Variants in LRRC9 observed in about 807,000 individuals in gnomAD.
The protein encoded by LRRC9 is leucine rich repeat containing 9.
In LRRC9, 122 loss-of-function variants were observed where a neutral mutation model predicts 63.2. That is an observed-to-expected ratio of 1.93 (90% confidence interval 1.67 to 2.24). The LOEUF (loss-of-function observed/expected upper bound fraction) is 2.24, where lower values mean the gene tolerates loss of function less well. Among genes scored for constraint, LRRC9 ranks in the 30% most tolerant of loss-of-function variants. LRRC9 has a pLI of 0.00. For synonymous variants in LRRC9, 366 were observed against 213.1 expected (o/e 1.72, Z -6.25); for missense variants, 1,071 against 627.7 (o/e 1.71, Z -7.55).
Position 60,027,197 on chromosome 14 carries a change from A to AG in LRRC9, c.3704-686dup, listed in dbSNP as rs1891625783. On this transcript the variant is annotated intron_variant, in intron 27 of 31. Transcript: ENST00000445360. This position sits in a 1 kb window ranked among gnomAD's most constrained non-coding sequence, Gnocchi z 4.0. ...TTCTCTGACCCTCAATTTTCTGATT[A>AG]GAAAAAAGAGATAAAATATTTCCCC... is the stretch of plus-strand genomic sequence containing the variant. Among the ~76,000 whole-genome samples, 1 of 152,070 alleles carries AG rather than the reference A, an allele frequency of 6.6e-6. No homozygotes were observed. The highest frequency in any genetic ancestry group is 6.6e-5 in the Admixed American group (1 of 15,232).
intron 17 of LRRC9, 59 bp from the exon 18 acceptor site, chr14:59,997,597 T>C: frequency 1.6e-6 from 1 of 620,756 alleles, no homozygotes; most frequent in South Asian, 1.9e-5. Context: ...ACAGAGAAAC[T>C]ATTTTGTAAA....
At chr14:59,973,842 T>G (rs1303892527) in intron 12 of LRRC9, among the ~76,000 whole-genome samples, 1 of 152,060 alleles carries the variant, frequency 6.6e-6, no homozygotes, top group African/African-American at 2.4e-5. Flanking sequence ...AAGACATAAT[T>G]CTAAATAATT....
chr14:59,994,834 G>A (rs1181916182), intron 17 of LRRC9, among the ~76,000 whole-genome samples: 4 of 151,816 alleles, frequency 2.6e-5, no homozygotes, highest in East Asian at 3.9e-4. Flanking sequence ...ACACAGGAAG[G>A]GGAACATCAC....
In LRRC9 at chr14:59,942,172, C is replaced by T. The variant is rs1881841190; in HGVS notation, c.727-2417C>T. Reference sequence around the variant, plus strand: ...TCTTTTTTATGGTTAAATAGTATTCCATCATGTGTATACACATATGTGTGT... The same window carrying T: ...TCTTTTTTATGGTTAAATAGTATTCTATCATGTGTATACACATATGTGTGT... On this transcript the variant is annotated intron_variant, in intron 7 of 31. Transcript: ENST00000445360. The surrounding 1 kb of genome is among the most constrained non-coding windows in gnomAD (Gnocchi z 5.3). Among the ~76,000 whole-genome samples the T allele has an allele frequency of 6.6e-6, 1 of 152,056 alleles. No individual in the cohort carries two copies. Among genetic ancestry groups the T allele is most frequent in the African/African-American group, 2.4e-5 (1 of 41,400 alleles).
intron 29 of LRRC9, among the ~76,000 whole-genome samples, chr14:60,052,820 T>TC (rs1893991360): frequency 6.6e-6 from 1 of 152,212 alleles, no homozygotes; most frequent in South Asian, 2.1e-4. Context: ...TGCCTGTAGT[T>TC]AGTGAACAAT....
intron 31 of LRRC9, among the ~76,000 whole-genome samples, chr14:60,061,283 A>C (rs1322691576): frequency 1.3e-5 from 2 of 152,188 alleles, no homozygotes; most frequent in African/African-American, 4.8e-5. Flanking sequence ...AGCAAACTCC[A>C]TTGTTGTCTT....
intron 27 of LRRC9, 96 bp downstream of exon 27, chr14:60,022,966 A>G (rs980589674): frequency 1.7e-5 from 7 of 420,380 alleles, no homozygotes; most frequent in African/African-American, 1.4e-4. Context: ...ATCAGTATTT[A>G]CTCAAACATT....
At chr14:60,048,254 C>G (rs182421060) in intron 29 of LRRC9, among the ~76,000 whole-genome samples, 2 of 151,986 alleles carry the variant, frequency 1.3e-5, no homozygotes, top group Admixed American at 1.3e-4. Context: ...CAAACAGACA[C>G]CAAAGCTAGC....
At position 60,042,503 on chromosome 14, in the gene LRRC9, T is replaced by A. The variant is rs1295116894; in HGVS notation, c.3990+10440T>A. ...GCCTTGCAGTTCGATCTCAGACTGCTGTGCTGGCAGTGAGTGAGGCTCCGT... is the reference window on the plus strand; with the variant it reads ...GCCTTGCAGTTCGATCTCAGACTGCAGTGCTGGCAGTGAGTGAGGCTCCGT... On this transcript the variant is annotated intron_variant, in intron 29 of 31. Transcript: ENST00000445360. This position sits in a 1 kb window ranked among gnomAD's most constrained non-coding sequence, Gnocchi z 4.2. 6.6e-6 allele frequency among the ~76,000 whole-genome samples: 1 copy of A among 152,210 alleles called. No homozygotes were observed.
chr14:59,929,897 G>T (rs536009998), intron 3 of LRRC9, among the ~76,000 whole-genome samples: 1 of 151,986 alleles, frequency 6.6e-6, no homozygotes, highest in Non-Finnish European at 1.5e-5. Flanking sequence ...ACACATAGAG[G>T]GGAACGACAG....
At chr14:60,026,355 G>C (rs1054086875) in intron 27 of LRRC9, among the ~76,000 whole-genome samples, 29 of 152,030 alleles carry the variant, frequency 1.9e-4, no homozygotes, top group Admixed American at 4.6e-4. Context: ...CTTATGATTA[G>C]TAATGCTGAG....
intron 29 of LRRC9, among the ~76,000 whole-genome samples, chr14:60,034,632 C>T (rs1339589766): frequency 1.3e-5 from 2 of 152,128 alleles, no homozygotes; most frequent in Non-Finnish European, 2.9e-5. Context: ...TTTTACTTAA[C>T]ATAATGGTTT....
rs1393681849 is a variant in LRRC9, at chr14:59,975,111, ATG to A, written c.1639+405_1639+406del. On this transcript the variant is annotated intron_variant, in intron 13 of 31. Transcript: ENST00000445360. ...AGTGTATATATATATACATATATATATGTATATATATATATGTATATATATAT... is the reference window on the plus strand; with the variant it reads ...AGTGTATATATATATACATATATATATATATATATATATGTATATATATAT... 7.2e-3 allele frequency among the ~76,000 whole-genome samples: 227 copies of A among 31,562 alleles called. 21 individuals are homozygous for A. Among genetic ancestry groups the A allele is most frequent in the African/African-American group, 0.014 (164 of 11,438 alleles). 20.7% of individuals were successfully genotyped at this position (31,562 alleles called of 152,430 possible). A position where few individuals can be genotyped will look rare whatever the true frequency, so the allele number is the denominator to read the frequency against.
At chr14:59,959,889 A>G (rs1038377932) in exon 9 of LRRC9, 4 of 699,916 alleles carry the variant, frequency 5.7e-6, no homozygotes, top group Non-Finnish European at 1.0e-5. Flanking sequence ...ACAGTAAAGT[A>G]ACTGATCCTG....
At chr14:60,039,555 G>T (rs1037623753) in intron 29 of LRRC9, among the ~76,000 whole-genome samples, 10 of 152,158 alleles carry the variant, frequency 6.6e-5, no homozygotes, top group African/African-American at 2.4e-4. Context: ...TTGCATAGAG[G>T]TGTTTATAGT....
At chr14:60,059,038 AT>A (rs1383536936) in intron 31 of LRRC9, 2 of 152,156 alleles carry the variant, frequency 1.3e-5, no homozygotes, top group Non-Finnish European at 2.9e-5. Flanking sequence ...GAATATCATT[AT>A]CTTTTTATAT....
exon 17 of LRRC9, chr14:59,985,200 C>T: frequency 1.5e-6 from 1 of 686,528 alleles, no homozygotes; most frequent in Admixed American, 2.1e-5. Flanking sequence ...ATGAATTTAC[C>T]TGTTTAGATG....
intron 8 of LRRC9, among the ~76,000 whole-genome samples, chr14:59,953,647 A>G (rs1192172427): frequency 6.6e-6 from 1 of 152,168 alleles, no homozygotes; most frequent in East Asian, 1.9e-4. Flanking sequence ...TTTGCTGTGC[A>G]GAAGCTCTTT....
At chr14:59,957,219 G>A (rs79782883) in intron 8 of LRRC9, among the ~76,000 whole-genome samples, 2,954 of 152,218 alleles carry the variant, frequency 0.019, 120 homozygotes, top group East Asian at 0.18. Context: ...CCTGAAGTGT[G>A]TTTTCCAACT....
Sources: allele counts gnomAD v4.1 joint callset (sites outside exome capture counted in the v4.1 genomes callset), GRCh38; gene constraint gnomAD v4.1.1; non-coding constraint Gnocchi (gnomAD v3.1); transcripts MANE v1.5; gene names NCBI Gene and HGNC (gene_info 2026-07-23, HGNC 2026-07-21).